Variants in TMEM260 observed in about 807,000 individuals in gnomAD.
The protein encoded by TMEM260 is transmembrane protein 260.
A neutral mutation model predicts 88.9 loss-of-function variants in TMEM260; 82 were observed. That is an observed-to-expected ratio of 0.92 (90% CI 0.77 to 1.11). TMEM260 has a LOEUF of 1.11. Among genes scored for constraint, TMEM260 ranks in the 50% least tolerant of loss-of-function variants. TMEM260 has a pLI of 0.00. For synonymous variants in TMEM260, 314 were observed against 309.3 expected, an observed-to-expected ratio of 1.02 and a Z score of -0.16; for missense variants, 902 against 853.4, an observed-to-expected ratio of 1.06 and a Z score of -0.71.
At chr14:56,662,850 C>T in the TMEM260 span, among the ~76,000 whole-genome samples, 1 of 152,194 alleles carries the variant, frequency 6.6e-6, no homozygotes, top group Non-Finnish European at 1.5e-5. Context: ...TTGCATTGGC[C>T]GGGCACCCTG....
At chr14:56,588,677 A>T (rs1885664490) in intron 3 of TMEM260, among the ~76,000 whole-genome samples, 1 of 145,056 alleles carries the variant, frequency 6.9e-6, no homozygotes, top group African/African-American at 2.6e-5. Context: ...TATTGAATTA[A>T]AAATAGTAAG....
chr14:56,633,114 C>A lies in TMEM260; in HGVS notation c.1667C>A (p.Pro556His), dbSNP rs1210584963. Residue 556 changes from proline (P) to histidine (H), a missense_variant, in exon 13 of 16, where the codon CCT (proline) becomes CAT (histidine). By Grantham distance (77) the Pro-to-His change is moderately conservative. Coordinates refer to ENST00000261556, the MANE Select transcript of TMEM260 (RefSeq NM_017799.4). Reference protein sequence around the residue: ...KLVPLEIVFNPEEWIKLTKSI... With the variant: ...KLVPLEIVFNHEEWIKLTKSI... ...GTTCCTTTGGAGATTGTATTCAACC[C>A]TGAGGAATGGATTAAACTTACAAAA... 1 of 1,613,686 alleles carries A rather than the reference C, an allele frequency of 6.2e-7. No individual in the cohort carries two copies. Among genetic ancestry groups the A allele is most frequent in the Non-Finnish European group, 8.5e-7 (1 of 1,179,758 alleles).
chr14:56,633,160 A>T lies in TMEM260; in HGVS notation c.1713A>T (p.Glu571Asp). Residue 571 changes from glutamate (E) to aspartate (D), a missense_variant, in exon 13 of 16, where the codon GAA becomes GAT. By Grantham distance (45) the Glu-to-Asp change is conservative (BLOSUM62 2). Coordinates refer to ENST00000261556, the MANE Select transcript of TMEM260 (RefSeq NM_017799.4). ...KLTKSIYNWTEEYGRFDPSSW... is the reference protein window; with the variant it reads ...KLTKSIYNWTDEYGRFDPSSW... ...CAAAAAGTATCTATAACTGGACCGAAGAATATGGAAGGTATGAACAGCAGT... is the reference window on the plus strand; with the variant it reads ...CAAAAAGTATCTATAACTGGACCGATGAATATGGAAGGTATGAACAGCAGT... 1.9e-6 allele frequency: 3 copies of T among 1,611,578 alleles called. No individual in the cohort carries two copies. The highest frequency in any genetic ancestry group is 1.1e-5 in the South Asian group (1 of 90,806).
At chr14:56,631,075 G>T (rs1214925845) in intron 12 of TMEM260, among the ~76,000 whole-genome samples, 1 of 152,120 alleles carries the variant, frequency 6.6e-6, no homozygotes, top group African/African-American at 2.4e-5. Flanking sequence ...TAAGACAGAA[G>T]GAGAGACCAA....
At chr14:56,623,232 G>C (rs1566559553) in intron 11 of TMEM260, among the ~76,000 whole-genome samples, 1 of 152,200 alleles carries the variant, frequency 6.6e-6, no homozygotes, top group Non-Finnish European at 1.5e-5. Flanking sequence ...ACGCAGTCTG[G>C]AGATAGGTGA....
intron 3 of TMEM260, among the ~76,000 whole-genome samples, chr14:56,586,987 T>C (rs1351436259): frequency 6.6e-6 from 1 of 151,814 alleles, no homozygotes; most frequent in East Asian, 1.9e-4. Context: ...AAAATAATGT[T>C]TCTGCTTAGA....
chr14:56,633,172 G>C lies in TMEM260; in HGVS notation c.1724+1G>C. 1 of 1,608,022 alleles carries C rather than the reference G, an allele frequency of 6.2e-7. No individual in the cohort carries two copies. Among genetic ancestry groups the C allele is most frequent in the Non-Finnish European group, 8.5e-7 (1 of 1,177,166 alleles). ...ATAACTGGACCGAAGAATATGGAAG[G>C]TATGAACAGCAGTTGTATTTTGATG... On this transcript the variant is annotated splice_donor_variant, in intron 13 of 15. Coordinates refer to ENST00000261556, the MANE Select transcript of TMEM260 (RefSeq NM_017799.4). LOFTEE classifies it high-confidence loss of function.
In TMEM260 at chr14:56,579,815, G is replaced by A; in HGVS notation, c.-100G>A. 1 of 1,160,808 alleles carries A rather than the reference G, an allele frequency of 8.6e-7. No individual in the cohort carries two copies. The highest frequency in any genetic ancestry group is 4.2e-5 in the Admixed American group (1 of 23,616). The allele number at this position is 1,160,808 out of a possible 1,614,324, so 71.9% of individuals were successfully genotyped here. On this transcript the variant is annotated 5_prime_UTR_variant, in exon 1 of 16. Transcript: ENST00000261556. Reference sequence around the variant, plus strand: ...GGAGGCTCGACCCGGAAGCCGCCGTGGCCGCCGCACAAGCTGCGCTCGTCT... The same window carrying A: ...GGAGGCTCGACCCGGAAGCCGCCGTAGCCGCCGCACAAGCTGCGCTCGTCT...
intron 5 of TMEM260, among the ~76,000 whole-genome samples, chr14:56,607,635 T>C (rs1260364506): frequency 1.3e-5 from 2 of 152,202 alleles, no homozygotes; most frequent in African/African-American, 2.4e-5. Context: ...TATACACAGA[T>C]GTACATGTGT....
intron 3 of TMEM260, among the ~76,000 whole-genome samples, chr14:56,586,669 T>G (rs888866835): frequency 6.6e-6 from 1 of 152,110 alleles, no homozygotes; most frequent in Non-Finnish European, 1.5e-5. Flanking sequence ...TTCTAAAAAC[T>G]TTTGCATGTC....
chr14:56,604,815 C>T (rs12885649), intron 4 of TMEM260, among the ~76,000 whole-genome samples: 127,959 of 152,104 alleles, frequency 0.84, 54,045 homozygotes, highest in East Asian at 0.99. Flanking sequence ...AGTGGGAATT[C>T]ATAGCCAAGG....
At chr14:56,642,502 T>C (rs987242096) in intron 15 of TMEM260, among the ~76,000 whole-genome samples, 20 of 152,042 alleles carry the variant, frequency 1.3e-4, no homozygotes, top group African/African-American at 3.6e-4. Context: ...GGGACACATT[T>C]AAAGCAGTGT....
intron 13 of TMEM260, among the ~76,000 whole-genome samples, chr14:56,634,334 G>T (rs7159178): frequency 0.067 from 10,193 of 152,240 alleles, 624 homozygotes; most frequent in African/African-American, 0.15. Context: ...GCTCCCCAGA[G>T]ACTTTCAATG....
intron 8 of TMEM260, 123 bp downstream of exon 8, chr14:56,616,150 GCTGT>G (rs570932373): frequency 1.5e-6 from 1 of 661,094 alleles, no homozygotes; most frequent in Non-Finnish European, 2.6e-6. Context: ...GACTCTCCTA[GCTGT>G]CTATTAAGAT....
At chr14:56,580,174 G>A in intron 1 of TMEM260, 100 bp downstream of exon 1, 2 of 1,029,268 alleles carry the variant, frequency 1.9e-6, no homozygotes, top group Non-Finnish European at 1.3e-6. Context: ...GGTCTGGTCA[G>A]CTCTGGGCCT....
intron 1 of TMEM260, 55 bp downstream of exon 1, chr14:56,580,129 G>A: frequency 8.1e-7 from 1 of 1,236,522 alleles, no homozygotes; most frequent in Non-Finnish European, 1.0e-6. Context: ...CCCAGAACGG[G>A]CAGGGTCTGC....
In TMEM260 at chr14:56,647,628, G is replaced by A. The variant is rs1175848028; in HGVS notation, c.*131G>A. ...TCATCTCCCAGATATAAGTATCATG[G>A]TCCAGCAGTACTGTTTAATGGGGTA... On this transcript the variant is annotated 3_prime_UTR_variant, in exon 16 of 16. Coordinates refer to ENST00000261556, the MANE Select transcript of TMEM260 (RefSeq NM_017799.4). 4 of 1,044,402 alleles carry A rather than the reference G, an allele frequency of 3.8e-6. No homozygotes were observed. Among genetic ancestry groups the A allele is most frequent in the South Asian group, 1.7e-5 (1 of 57,916 alleles). The allele number at this position is 1,044,402 out of a possible 1,614,324, so 64.7% of individuals were successfully genotyped here.
downstream of TMEM260, among the ~76,000 whole-genome samples, chr14:56,655,036 G>A (rs1475519): frequency 0.69 from 104,877 of 151,910 alleles, 37,778 homozygotes; most frequent in Non-Finnish European, 0.8. Flanking sequence ...CAATCTTGGT[G>A]ACATTTGTTA....
intron 3 of TMEM260, among the ~76,000 whole-genome samples, chr14:56,601,249 G>A (rs1181255839): frequency 6.6e-6 from 1 of 152,132 alleles, no homozygotes; most frequent in Non-Finnish European, 1.5e-5. Context: ...CTTTCTGAGT[G>A]TAAGAATATG....
Sources: allele counts gnomAD v4.1 joint callset (sites outside exome capture counted in the v4.1 genomes callset), GRCh38; gene constraint gnomAD v4.1.1; transcripts MANE v1.5; gene names NCBI Gene and HGNC (gene_info 2026-07-23, HGNC 2026-07-21).